The following GLIS3 variants were observed in gnomAD, a reference collection of about 807,000 sequenced individuals.
GLIS3 encodes the protein zinc finger protein GLIS3.
A neutral mutation model predicts 78.6 loss-of-function variants in GLIS3; 53 were observed. The observed-to-expected ratio is 0.67, with a 90% CI of 0.54 to 0.85. GLIS3 has a LOEUF of 0.85. Among genes scored for constraint, GLIS3 ranks in the 40% least tolerant of loss-of-function variants. The pLI is 0.00. For synonymous variants in GLIS3, 684 were observed against 509.9 expected (o/e 1.34, Z -4.60); for missense variants, 1,703 against 1,231.1 (o/e 1.38, Z -5.74).
At chr9:3,968,700 A>C (rs1179898462) in intron 4 of GLIS3, among the ~76,000 whole-genome samples, 1 of 152,188 alleles carries the variant, frequency 6.6e-6, no homozygotes, top group East Asian at 1.9e-4. Context: ...TACATAAATG[A>C]TAGTACAATT....
the GLIS3 span, among the ~76,000 whole-genome samples, chr9:4,424,893 G>T: frequency 2.0e-5 from 3 of 151,636 alleles, no homozygotes; most frequent in African/African-American, 7.3e-5. Context: ...ATTTTCTGAT[G>T]AAAAGAATAC....
chr9:4,297,421 A>T (rs10814918), intron 1 of GLIS3, among the ~76,000 whole-genome samples: 4 of 151,954 alleles, frequency 2.6e-5, no homozygotes, highest in African/African-American at 9.7e-5. Flanking sequence ...TCTAGCTTTA[A>T]TAGTCTCTCC....
At chr9:4,055,725 C>T (rs2130513111) in intron 4 of GLIS3, among the ~76,000 whole-genome samples, 1 of 152,282 alleles carries the variant, frequency 6.6e-6, no homozygotes, top group South Asian at 2.1e-4. Context: ...TGCACAAAGG[C>T]TTCTGTTTTC....
chr9:4,350,961 T>A (rs1587399406), upstream of GLIS3, among the ~76,000 whole-genome samples: 1 of 152,228 alleles, frequency 6.6e-6, no homozygotes, highest in East Asian at 1.9e-4. Context: ...GTGGCTCTTC[T>A]AAGCCTGGGG....
chr9:4,211,630 C>T (rs192914043), intron 2 of GLIS3, among the ~76,000 whole-genome samples: 2 of 152,274 alleles, frequency 1.3e-5, no homozygotes, highest in African/African-American at 2.4e-5. Context: ...TTTCTTAAAA[C>T]GTTAAATTTA....
At chr9:4,462,594 AACACACAC>A in the GLIS3 span, among the ~76,000 whole-genome samples, 46,693 of 144,888 alleles carry the variant, frequency 0.32, 8,156 homozygotes, top group Middle Eastern at 0.45. Context: ...CCATCTCTAT[AACACACAC>A]ACACACACAC....
At chr9:3,844,652 C>A (rs1200609918) in intron 9 of GLIS3, among the ~76,000 whole-genome samples, 1 of 152,174 alleles carries the variant, frequency 6.6e-6, no homozygotes, top group Non-Finnish European at 1.5e-5. Context: ...CAATAAATTT[C>A]TGAGTTCCAA....
At chr9:4,479,585 T>C in the GLIS3 span, among the ~76,000 whole-genome samples, 1 of 151,432 alleles carries the variant, frequency 6.6e-6, no homozygotes, top group Non-Finnish European at 1.5e-5. Context: ...ATGACCATAC[T>C]GTGGCTCTCA....
intron 2 of GLIS3, among the ~76,000 whole-genome samples, chr9:4,208,941 C>A (rs1215785691): frequency 6.6e-6 from 1 of 152,102 alleles, no homozygotes; most frequent in Non-Finnish European, 1.5e-5. Flanking sequence ...GGTCTGGATC[C>A]CCAGCTTCTC....
At chr9:3,877,702 A>G (rs1412823729) in intron 8 of GLIS3, among the ~76,000 whole-genome samples, 2 of 152,196 alleles carry the variant, frequency 1.3e-5, no homozygotes, top group Non-Finnish European at 2.9e-5. Context: ...AATGATTAGT[A>G]ATTCTGCCTC....
At chr9:4,357,562 TG>T in the GLIS3 span, among the ~76,000 whole-genome samples, 1 of 23,586 alleles carries the variant, frequency 4.2e-5, no homozygotes, top group South Asian at 1.5e-3. Flanking sequence ...AACTAATTCC[TG>T]TGTGTGTGTG....
intron 4 of GLIS3, among the ~76,000 whole-genome samples, chr9:4,064,331 T>A (rs960558536): frequency 6.6e-6 from 1 of 152,114 alleles, no homozygotes; most frequent in Non-Finnish European, 1.5e-5. Context: ...AAAACCTTCT[T>A]AAATAAGATA....
intron 2 of GLIS3, among the ~76,000 whole-genome samples, chr9:4,189,802 G>T (rs996833561): frequency 6.6e-6 from 1 of 151,972 alleles, no homozygotes; most frequent in Non-Finnish European, 1.5e-5. Flanking sequence ...TTTTATCAGA[G>T]ACTAGGATTG....
intron 2 of GLIS3, among the ~76,000 whole-genome samples, chr9:4,144,105 CAG>C (rs2131001853): frequency 6.6e-6 from 1 of 152,216 alleles, no homozygotes; most frequent in Non-Finnish European, 1.5e-5. Flanking sequence ...TATTGGACCT[CAG>C]GGGAGAAGGC....
At chr9:4,141,544 A>G (rs907649022) in intron 2 of GLIS3, among the ~76,000 whole-genome samples, 2 of 152,202 alleles carry the variant, frequency 1.3e-5, no homozygotes, top group Non-Finnish European at 2.9e-5. Flanking sequence ...TCACCTTGGT[A>G]GTGTATCAGG....
chr9:3,938,809 G>A (rs1201324514), intron 4 of GLIS3, among the ~76,000 whole-genome samples: 2 of 152,302 alleles, frequency 1.3e-5, no homozygotes, highest in East Asian at 1.9e-4. Flanking sequence ...GAAAGGAAAC[G>A]TCACTAGAGG....
intron 4 of GLIS3, among the ~76,000 whole-genome samples, chr9:4,046,995 G>A (rs1825305488): frequency 6.6e-6 from 1 of 152,144 alleles, no homozygotes; most frequent in Non-Finnish European, 1.5e-5. Flanking sequence ...TCGGAGTGTA[G>A]ACTTCAAAAT....
chr9:4,277,518 G>A (rs560875564), intron 2 of GLIS3, among the ~76,000 whole-genome samples: 1 of 152,158 alleles, frequency 6.6e-6, no homozygotes, highest in Non-Finnish European at 1.5e-5. Flanking sequence ...TGACACAAAA[G>A]AGTTTTTTAA....
At chr9:4,108,659 A>T (rs1288901547) in intron 4 of GLIS3, among the ~76,000 whole-genome samples, 2 of 152,198 alleles carry the variant, frequency 1.3e-5, no homozygotes, top group Non-Finnish European at 2.9e-5. Flanking sequence ...CTCACCAAAA[A>T]CACAAGCAAC....
Sources: gnomAD v4.1 joint callset for allele counts (sites outside exome capture counted in the v4.1 genomes callset) on GRCh38, gnomAD v4.1.1 for gene constraint, MANE v1.5 for transcripts, NCBI Gene and HGNC (gene_info 2026-07-23, HGNC 2026-07-21) for gene names.